The following MORC1 variants were observed in gnomAD, a reference collection of about 807,000 sequenced individuals.
The protein encoded by MORC1 is MORC family CW-type zinc finger 1.
In MORC1, 59 loss-of-function variants were observed where a neutral mutation model predicts 134.9. That is an observed-to-expected ratio of 0.44 (90% CI 0.35 to 0.54). MORC1 has a LOEUF of 0.54. Ranked by LOEUF, MORC1 falls within the 20% of genes least tolerant of loss-of-function variation. The probability of loss-of-function intolerance (pLI) is 0.00; values close to 1 mark genes in which losing one functional copy is unlikely to be tolerated. For synonymous variants in MORC1, 395 were observed against 391.7 expected (o/e 1.01, Z -0.10); for missense variants, 947 against 1,134.5 (o/e 0.83, Z 2.37).
intron 24 of MORC1, among the ~76,000 whole-genome samples, chr3:108,977,346 G>C (rs1024641091): frequency 6.6e-6 from 1 of 152,074 alleles, no homozygotes; most frequent in East Asian, 1.9e-4. Context: ...TATAATAAAG[G>C]TTCAAACCTG....
intron 23 of MORC1, among the ~76,000 whole-genome samples, 172 bp downstream of exon 23, chr3:108,984,544 T>TGC (rs1553743439): frequency 6.6e-6 from 1 of 151,900 alleles, no homozygotes; most frequent in African/African-American, 2.4e-5. Context: ...TGAAAAGGTT[T>TGC]GGGGGTAAGG....
At chr3:108,974,743 A>C (rs1318886699) in intron 24 of MORC1, among the ~76,000 whole-genome samples, 1 of 152,222 alleles carries the variant, frequency 6.6e-6, no homozygotes, top group Non-Finnish European at 1.5e-5. Context: ...ATAAAATCAG[A>C]AATTTGTCTT....
At chr3:109,117,759 T>G (rs1951302837) in intron 1 of MORC1, among the ~76,000 whole-genome samples, 1 of 152,194 alleles carries the variant, frequency 6.6e-6, no homozygotes, top group Non-Finnish European at 1.5e-5. Context: ...AAATGATAAA[T>G]GTAGGGCCTT....
chr3:109,091,028 T>G (rs945569930), intron 8 of MORC1, among the ~76,000 whole-genome samples: 1 of 152,074 alleles, frequency 6.6e-6, no homozygotes, highest in Non-Finnish European at 1.5e-5. Flanking sequence ...GACTAAGAAT[T>G]TATGTCTTTT....
intron 20 of MORC1, among the ~76,000 whole-genome samples, chr3:109,003,728 C>A (rs1218437254): frequency 6.6e-6 from 1 of 152,122 alleles, no homozygotes; most frequent in African/African-American, 2.4e-5. Context: ...CAACAAAAAA[C>A]CTGAAATTCT....
At chr3:109,023,776 A>G (rs1411015979) in intron 17 of MORC1, among the ~76,000 whole-genome samples, 1 of 152,230 alleles carries the variant, frequency 6.6e-6, no homozygotes, top group Non-Finnish European at 1.5e-5. Flanking sequence ...GGTTTACCAA[A>G]AAATAACAAT....
chr3:109,116,753 C>G (rs937987681), intron 1 of MORC1, among the ~76,000 whole-genome samples: 1 of 152,228 alleles, frequency 6.6e-6, no homozygotes, highest in Non-Finnish European at 1.5e-5. Flanking sequence ...GCATCCCAGC[C>G]TGGGCCACAG....
intron 3 of MORC1, among the ~76,000 whole-genome samples, chr3:109,104,928 T>C (rs747729392): frequency 1.3e-5 from 2 of 151,930 alleles, no homozygotes; most frequent in African/African-American, 2.4e-5. Context: ...GCAGCGAACA[T>C]ATCCACACCT....
chr3:109,100,202 C>T (rs1039490536), intron 5 of MORC1, among the ~76,000 whole-genome samples: 2 of 151,976 alleles, frequency 1.3e-5, no homozygotes, highest in Admixed American at 6.6e-5. Context: ...AAGATCGCAC[C>T]ACTGCACTCC....
Position 109,007,944 on chromosome 3 carries a change from T to TGC in MORC1, c.1705-854_1705-853insGC, listed in dbSNP as rs1485511007. Among the ~76,000 whole-genome samples, 7 of 149,870 alleles carry TGC rather than the reference T, an allele frequency of 4.7e-5. No individual in the cohort carries two copies. The East Asian group carries it at 1.4e-3, about 30-fold the overall frequency. ...TAGCATATATAAGCACATATATATG[T>TGC]GTGTGTGTGTGTGTGTGTGTATACA... On this transcript the variant is annotated intron_variant, in intron 17 of 27. Coordinates refer to ENST00000232603, the MANE Select transcript of MORC1 (RefSeq NM_014429.4).
chr3:109,014,726 T>C (rs1948775856), intron 17 of MORC1, among the ~76,000 whole-genome samples: 1 of 152,218 alleles, frequency 6.6e-6, no homozygotes, highest in Admixed American at 6.5e-5. Flanking sequence ...AAACAGAATT[T>C]TGAGTAAATA....
intron 6 of MORC1, among the ~76,000 whole-genome samples, chr3:109,098,230 G>T (rs1443900101): frequency 6.6e-6 from 1 of 152,036 alleles, no homozygotes; most frequent in Non-Finnish European, 1.5e-5. Context: ...TAATATTGTT[G>T]TTAAGAGGTT....
At chr3:109,081,844 T>A (rs891705551) in intron 8 of MORC1, among the ~76,000 whole-genome samples, 9 of 152,154 alleles carry the variant, frequency 5.9e-5, no homozygotes, top group Admixed American at 5.2e-4. Flanking sequence ...ACAGTTTCTA[T>A]ACCAGAAAAA....
At position 109,052,942 on chromosome 3, in the gene MORC1, A is replaced by T. The variant is rs1421070913; in HGVS notation, c.1330+1786T>A. 2.0e-5 allele frequency among the ~76,000 whole-genome samples: 3 copies of T among 152,156 alleles called. 1 individual carries two copies. The highest frequency in any genetic ancestry group is 2.0e-4 in the Admixed American group (3 of 15,258). On this transcript the variant is annotated intron_variant, in intron 14 of 27. Coordinates refer to ENST00000232603, the MANE Select transcript of MORC1 (RefSeq NM_014429.4). ...CAACAAGCAAAAGATAACCCCATTAAAAAGTGAGCAAAGAACACAAACAGA... is the reference window on the plus strand; with the variant it reads ...CAACAAGCAAAAGATAACCCCATTATAAAGTGAGCAAAGAACACAAACAGA...
chr3:109,004,352 T>C (rs918561675), intron 20 of MORC1, among the ~76,000 whole-genome samples: 2 of 152,326 alleles, frequency 1.3e-5, no homozygotes, highest in Non-Finnish European at 1.5e-5. Context: ...ATGGACAAGG[T>C]AGATAAACTA....
chr3:109,115,358 C>CACAG (rs1951247403), intron 1 of MORC1, among the ~76,000 whole-genome samples: 1 of 115,312 alleles, frequency 8.7e-6, no homozygotes, highest in Non-Finnish European at 1.7e-5. Context: ...CACACACACA[C>CACAG]AGAGAGAGAG....
Position 109,054,716 on chromosome 3 carries a change from T to C in MORC1, c.1330+12A>G, listed in dbSNP as rs771575512. ...CTGTAAGTATCTCCTACTATGACTATTGAATACTCACTGATGCCGGTGTCC... is the reference window on the plus strand; with the variant it reads ...CTGTAAGTATCTCCTACTATGACTACTGAATACTCACTGATGCCGGTGTCC... On this transcript the variant is annotated intron_variant, in intron 14 of 27. Coordinates refer to ENST00000232603, the MANE Select transcript of MORC1 (RefSeq NM_014429.4). 4.6e-6 allele frequency: 7 copies of C among 1,528,604 alleles called. No individual in the cohort carries two copies. Among genetic ancestry groups the C allele is most frequent in the East Asian group, 4.9e-5 (2 of 41,032 alleles). The allele number at this position is 1,528,604 out of a possible 1,614,324, so 94.7% of individuals were successfully genotyped here.
intron 16 of MORC1, among the ~76,000 whole-genome samples, chr3:109,029,949 T>A (rs563944469): frequency 3.9e-5 from 6 of 152,274 alleles, no homozygotes; most frequent in African/African-American, 1.4e-4. Flanking sequence ...AGCCTCTCTA[T>A]TTTCTTCTCT....
intron 15 of MORC1, among the ~76,000 whole-genome samples, chr3:109,034,837 C>T (rs1949337069): frequency 6.6e-6 from 1 of 152,160 alleles, no homozygotes; most frequent in African/African-American, 2.4e-5. Flanking sequence ...CAGCCTCAAC[C>T]TCCCAGGCTC....
Sources: allele counts gnomAD v4.1 joint callset (sites outside exome capture counted in the v4.1 genomes callset), GRCh38; gene constraint gnomAD v4.1.1; transcripts MANE v1.5; gene names NCBI Gene and HGNC (gene_info 2026-07-23, HGNC 2026-07-21).